The following SUPT3H variants were observed in gnomAD, a reference collection of about 807,000 sequenced individuals.
SUPT3H encodes transcription initiation protein SPT3 homolog.
Under a neutral mutation model 44.3 loss-of-function variants are expected in SUPT3H, and 44 were observed. The ratio of observed to expected loss-of-function variants is 0.99; its 90% CI spans 0.78 to 1.28. The LOEUF is 1.28. Among genes scored for constraint, SUPT3H ranks in the 50% most tolerant of loss-of-function variants. The probability of loss-of-function intolerance (pLI) is 0.00; values close to 1 mark genes in which losing one functional copy is unlikely to be tolerated. For missense variants in SUPT3H, 380 were observed against 387.1 expected (o/e 0.98, Z 0.15); for synonymous variants, 124 against 125.6 (o/e 0.99, Z 0.09).
chr6:45,031,822 C>T (rs1426803695), intron 3 of SUPT3H, among the ~76,000 whole-genome samples: 2 of 152,080 alleles, frequency 1.3e-5, no homozygotes, highest in East Asian at 1.9e-4. Context: ...CTTAGTCATA[C>T]CAGTGGAAAT....
At chr6:44,814,992 A>T (rs1282410961) in intron 11 of SUPT3H, among the ~76,000 whole-genome samples, 1 of 152,004 alleles carries the variant, frequency 6.6e-6, no homozygotes, top group Non-Finnish European at 1.5e-5. Context: ...TTTTTTTCAT[A>T]ACAGAAATAC....
chr6:45,336,874 C>T (rs1415250637), intron 2 of SUPT3H, among the ~76,000 whole-genome samples: 1 of 151,308 alleles, frequency 6.6e-6, no homozygotes, highest in Non-Finnish European at 1.5e-5. Context: ...TTTTTTTGAT[C>T]CAGAAACATC....
At chr6:44,927,016 T>C (rs1033799086) in intron 10 of SUPT3H, among the ~76,000 whole-genome samples, 2 of 152,170 alleles carry the variant, frequency 1.3e-5, no homozygotes, top group Non-Finnish European at 2.9e-5. Flanking sequence ...TAGTAATCTA[T>C]CATAAGGAAA....
chr6:45,078,372 G>C (rs1322507164), intron 3 of SUPT3H, among the ~76,000 whole-genome samples: 1 of 152,080 alleles, frequency 6.6e-6, no homozygotes, highest in Admixed American at 6.6e-5. Context: ...GTGTTCCTTA[G>C]CCAACATTGC....
intron 10 of SUPT3H, among the ~76,000 whole-genome samples, chr6:44,906,238 G>A (rs549410694): frequency 1.3e-5 from 2 of 152,082 alleles, no homozygotes; most frequent in East Asian, 1.9e-4. Context: ...CTTTTTACTC[G>A]AGTGTTAATG....
chr6:45,327,069 T>C (rs930959932), intron 2 of SUPT3H, among the ~76,000 whole-genome samples: 5 of 151,994 alleles, frequency 3.3e-5, no homozygotes, highest in African/African-American at 1.2e-4. Context: ...ATTCACTGCC[T>C]ATGATATATA....
intron 2 of SUPT3H, among the ~76,000 whole-genome samples, chr6:45,257,377 T>C (rs1275885318): frequency 6.6e-6 from 1 of 152,194 alleles, no homozygotes; most frequent in Admixed American, 6.5e-5. Context: ...TCCAGCAGCA[T>C]TTCTAGGCAT....
chr6:45,334,643 T>G (rs1433409996), intron 2 of SUPT3H, among the ~76,000 whole-genome samples: 2 of 151,182 alleles, frequency 1.3e-5, no homozygotes, highest in South Asian at 4.1e-4. Context: ...TATGTTCAAC[T>G]TAAATTTCTT....
intron 1 of SUPT3H, among the ~76,000 whole-genome samples, chr6:45,365,969 T>C (rs1286085629): frequency 1.3e-5 from 2 of 152,036 alleles, no homozygotes; most frequent in African/African-American, 4.8e-5. Flanking sequence ...TGCATAATGA[T>C]AAAGTGGGTG....
intron 3 of SUPT3H, among the ~76,000 whole-genome samples, chr6:45,031,982 G>T (rs1470219153): frequency 6.6e-6 from 1 of 152,172 alleles, no homozygotes; most frequent in Non-Finnish European, 1.5e-5. Context: ...ATAGTTCCAG[G>T]TGTATTTGAA....
chr6:45,347,425 C>A (rs1303221633), intron 2 of SUPT3H, among the ~76,000 whole-genome samples: 1 of 151,928 alleles, frequency 6.6e-6, no homozygotes. Context: ...AAAGAAATAC[C>A]TCAACATAAA....
At chr6:45,139,914 CG>C (rs909228113) in intron 2 of SUPT3H, among the ~76,000 whole-genome samples, 3 of 152,088 alleles carry the variant, frequency 2.0e-5, no homozygotes, top group African/African-American at 7.2e-5. Flanking sequence ...AGGGGGCAAA[CG>C]GGAACTGCTA....
intron 10 of SUPT3H, among the ~76,000 whole-genome samples, chr6:44,835,898 G>A (rs767680426): frequency 1.3e-5 from 2 of 152,024 alleles, no homozygotes; most frequent in African/African-American, 2.4e-5. Flanking sequence ...TTCAGCCCTG[G>A]TCTCTGTGAG....
chr6:44,999,985 T>A (rs1470927129), intron 6 of SUPT3H, among the ~76,000 whole-genome samples: 1 of 151,938 alleles, frequency 6.6e-6, no homozygotes, highest in Non-Finnish European at 1.5e-5. Context: ...TCTAGAAAAA[T>A]TACATTTCTA....
chr6:45,001,313 G>A lies in SUPT3H; in HGVS notation c.504+2340C>T, dbSNP rs11752076. On this transcript the variant is annotated intron_variant, in intron 6 of 10. Transcript: ENST00000371459. ...TTAATCTTTATTTGATCATTTAAAA[G>A]GATGTTCTGAGATCATGGATCTCTA... 6.7e-3 allele frequency among the ~76,000 whole-genome samples: 1,024 copies of A among 152,120 alleles called. 10 individuals are homozygous for A. The highest frequency in any genetic ancestry group is 8.5e-3 in the Non-Finnish European group (575 of 67,970).
intron 3 of SUPT3H, among the ~76,000 whole-genome samples, chr6:45,059,570 T>C (rs1215849454): frequency 6.6e-6 from 1 of 152,076 alleles, no homozygotes; most frequent in East Asian, 1.9e-4. Flanking sequence ...CAACATTGTA[T>C]TGGAAGTTAT....
intron 10 of SUPT3H, among the ~76,000 whole-genome samples, chr6:44,911,774 T>C (rs1045738526): frequency 6.6e-6 from 1 of 152,210 alleles, no homozygotes; most frequent in African/African-American, 2.4e-5. Context: ...GTTTTTCAGC[T>C]AACATTTGCA....
In SUPT3H at chr6:45,158,298, A is replaced by ATATATATATATATATT; in HGVS notation, c.102-52293_102-52292insAATATATATATATATA. On this transcript the variant is annotated intron_variant, in intron 2 of 10. Transcript: ENST00000371459. Reference sequence around the variant, plus strand: ...TACATATATATATATATATATATATATTTTTTTTTTTTTTTTTTTGAGATG... The same window carrying ATATATATATATATATT: ...TACATATATATATATATATATATATATATATATATATATATTTTTTTTTTTTTTTTTTTTTGAGATG... Among the ~76,000 whole-genome samples, 10 of 99,694 alleles carry ATATATATATATATATT rather than the reference A, an allele frequency of 1.0e-4. 1 individual carries two copies. The highest frequency in any genetic ancestry group is 5.0e-4 in the African/African-American group (10 of 19,958). 65.4% of individuals were successfully genotyped at this position (99,694 alleles called of 152,430 possible).
At chr6:44,894,455 C>T (rs562908087) in intron 10 of SUPT3H, among the ~76,000 whole-genome samples, 5 of 152,146 alleles carry the variant, frequency 3.3e-5, no homozygotes, top group Admixed American at 2.6e-4. Flanking sequence ...AGCCAGTTTT[C>T]CCAGCACCAT....
Sources: allele counts gnomAD v4.1 joint callset (sites outside exome capture counted in the v4.1 genomes callset), GRCh38; gene constraint gnomAD v4.1.1; transcripts MANE v1.5; gene names NCBI Gene and HGNC (gene_info 2026-07-23, HGNC 2026-07-21).